BOD1L1: variants seen among roughly 807,000 people sequenced by gnomAD.
BOD1L1 encodes biorientation of chromosomes in cell division 1 like 1.
BOD1L1 carries 86 observed loss-of-function variants against 240.7 expected under a neutral mutation model. The ratio of observed to expected loss-of-function variants is 0.36; its 90% confidence interval spans 0.30 to 0.43. The LOEUF is 0.43. Among genes scored for constraint, BOD1L1 ranks in the 20% least tolerant of loss-of-function variants. BOD1L1 has a pLI of 1.00. For synonymous variants in BOD1L1, 1,268 were observed against 1,272.3 expected, an observed-to-expected ratio of 1.00 and a Z score of 0.07; for missense variants, 3,554 against 3,643.5, an observed-to-expected ratio of 0.98 and a Z score of 0.63.
intron 1 of BOD1L1, among the ~76,000 whole-genome samples, chr4:13,627,065 T>C (rs1195766897): frequency 6.6e-6 from 1 of 152,200 alleles, no homozygotes; most frequent in Admixed American, 6.5e-5. Context: ...CTGGCTACTG[T>C]TAGCGCCACT....
At position 13,611,116 on chromosome 4, in the gene BOD1L1, T is replaced by C. The variant is rs1560212714; in HGVS notation, c.1325-16A>G. On this transcript the variant is annotated splice_polypyrimidine_tract_variant and intron_variant, in intron 5 of 25. Coordinates refer to ENST00000040738, the MANE Select transcript of BOD1L1 (RefSeq NM_148894.3). The stretch of plus-strand genomic sequence containing the variant: ...TTCTCTTCATCTGTAAGAAAGTTAA[T>C]AGAAAGAGGAGTATGTCTGTGAATT... 3 of 1,559,588 alleles carry C rather than the reference T, an allele frequency of 1.9e-6. No individual in the cohort carries two copies. The Admixed American group carries it at 5.3e-5, about 28-fold the overall frequency.
chr4:13,614,472 A>C lies in BOD1L1; in HGVS notation c.898T>G (p.Leu300Val). Residue 300 changes from leucine to valine, a missense_variant, in exon 4 of 26, where the codon TTA (leucine) becomes GTA (valine). Physicochemically the swap from Leu to Val is conservative, Grantham distance 32. Transcript: ENST00000040738. Reference protein sequence around the residue: ...IKNYTKEHNNLILLNKDVQQE... With the variant: ...IKNYTKEHNNVILLNKDVQQE... Reference sequence around the variant, plus strand: ...TGAACATCCTTATTTAGCAGAATTAAATTATTATGCTCTTTTGTGTAATTT... The same window carrying C: ...TGAACATCCTTATTTAGCAGAATTACATTATTATGCTCTTTTGTGTAATTT... The C allele has an allele frequency of 6.2e-7, 1 of 1,613,390 alleles. No homozygotes were observed. The highest frequency in any genetic ancestry group is 8.5e-7 in the Non-Finnish European group (1 of 1,179,758).
In BOD1L1 at chr4:13,599,712, C is replaced by T. The variant is rs907267137; in HGVS notation, c.7188G>A (p.Pro2396=). ...CPGPVRGGKE[P]GPVLAVSTEE... ...CGGTGCTCACTGCCAACACGGGACC[C>T]GGTTCTTTGCCTCCCCTGACTGGCC... Residue 2396 remains proline, a synonymous_variant, in exon 10 of 26, where the codon CCG becomes CCA. Coordinates refer to ENST00000040738, the MANE Select transcript of BOD1L1 (RefSeq NM_148894.3). 34 of 1,613,722 alleles carry T rather than the reference C, an allele frequency of 2.1e-5. 1 individual carries two copies. The highest frequency in any genetic ancestry group is 3.3e-4 in the Middle Eastern group (2 of 6,062).
At chr4:13,597,010 G>A (rs1343616605) in intron 11 of BOD1L1, 94 bp downstream of exon 11, 1 of 982,196 alleles carries the variant, frequency 1.0e-6, no homozygotes, top group African/African-American at 1.6e-5. Context: ...AATGAGAACA[G>A]GACCTATATA....
rs766131519 is a variant in BOD1L1, at chr4:13,600,478, C to T, written c.6422G>A (p.Cys2141Tyr). The stretch of plus-strand genomic sequence containing the variant: ...CCCTATGCTTGTGGAAATCATGGCA[C>T]ACTCATCTTTCTCTTCACTTCTGCT... ...TASRSEEKDE[C>Y]AMISTSIGEE... Residue 2141 changes from cysteine to tyrosine, a missense_variant, in exon 10 of 26, where the codon TGT (cysteine) becomes TAT (tyrosine). Coordinates refer to ENST00000040738, the MANE Select transcript of BOD1L1 (RefSeq NM_148894.3). 1 of 1,613,938 alleles carries T rather than the reference C, an allele frequency of 6.2e-7. No homozygotes were observed. The highest frequency in any genetic ancestry group is 8.5e-7 in the Non-Finnish European group (1 of 1,179,896).
chr4:13,614,738 A>G lies in BOD1L1; in HGVS notation c.632T>C (p.Leu211Pro). Residue 211 changes from leucine (L) to proline (P), a missense_variant, in exon 4 of 26, where the codon CTT (leucine) becomes CCT (proline). Physicochemically the swap from Leu to Pro is moderately conservative, Grantham distance 98. Transcript: ENST00000040738. ...CCTAGCAGCACTGGCTTCTTGGTTAAGAGAAGTTATGGTTTCCAATATCGA... is the reference window on the plus strand; with the variant it reads ...CCTAGCAGCACTGGCTTCTTGGTTAGGAGAAGTTATGGTTTCCAATATCGA... ...AMSILETITS[L>P]NQEASAARAS... is the part of the protein sequence containing the mutation. 1 of 1,613,890 alleles carries G rather than the reference A, an allele frequency of 6.2e-7. No homozygotes were observed. Among genetic ancestry groups the G allele is most frequent in the South Asian group, 1.1e-5 (1 of 91,080 alleles).
intron 22 of BOD1L1, among the ~76,000 whole-genome samples, chr4:13,579,503 C>G (rs1713045874): frequency 6.6e-6 from 1 of 152,148 alleles, no homozygotes; most frequent in Non-Finnish European, 1.5e-5. Context: ...TCACATTAAT[C>G]TTTGTTGTTG....
At chr4:13,575,109 T>C (rs368523814) in intron 25 of BOD1L1, among the ~76,000 whole-genome samples, 2 of 151,958 alleles carry the variant, frequency 1.3e-5, no homozygotes, top group Non-Finnish European at 2.9e-5. Context: ...TTAGTAGAGA[T>C]GGGGTTTCAC....
chr4:13,611,076 T>C lies in BOD1L1; in HGVS notation c.1349A>G (p.Lys450Arg). The change falls in exon 6 of 26, where the codon AAA becomes AGA. Residue 450 changes from lysine (K) to arginine (R), a missense_variant. Lys to Arg is a conservative substitution (Grantham distance 26). Around this residue, in one of 2 missense-constraint regions of BOD1L1, gnomAD observed 3,393 missense variants for 3,427.1 expected, o/e 0.99. Transcript: ENST00000040738. ...AGAATCACTAGTTTGAGTTTTTGTT[T>C]TATTCTGTTTGTTCTTCTCTTCATC... is the stretch of plus-strand genomic sequence containing the variant. ...SDDEEKNKQN[K>R]TKTQTSDSSE... 1 of 1,608,026 alleles carries C rather than the reference T, an allele frequency of 6.2e-7. No individual in the cohort carries two copies. The highest frequency in any genetic ancestry group is 1.3e-5 in the African/African-American group (1 of 74,798).
intron 1 of BOD1L1, chr4:13,625,372 G>A (rs923677701): frequency 6.6e-6 from 1 of 152,120 alleles, no homozygotes; most frequent in Non-Finnish European, 1.5e-5. Flanking sequence ...CTTGAGAGAA[G>A]GTCCTAACTT....
chr4:13,581,258 C>G (rs1577316673), intron 19 of BOD1L1, 51 bp from the exon 20 acceptor site: 6 of 1,265,706 alleles, frequency 4.7e-6, no homozygotes, highest in African/African-American at 1.5e-5. Flanking sequence ...AAATTTTATC[C>G]TTTATTATAT....
Position 13,590,401 on chromosome 4 carries a change from A to G in BOD1L1, c.8194T>C (p.Ser2732Pro). 6.6e-7 allele frequency: 1 copy of G among 1,509,244 alleles called. No homozygotes were observed. The highest frequency in any genetic ancestry group is 9.1e-7 in the Non-Finnish European group (1 of 1,101,198). 93.5% of individuals were successfully genotyped at this position (1,509,244 alleles called of 1,614,324 possible). The stretch of plus-strand genomic sequence containing the variant: ...ATTAACTTACCTCCTTTGTTATAAG[A>G]TTCGCTATGAATTTCTTCATTTGTT... ...FRTNEEIHSE[S>P]YNKGEISSGR... The change falls in exon 14 of 26, where the codon TCT becomes CCT. Residue 2732 changes from serine (S) to proline (P), a missense_variant. Ser to Pro is a moderately conservative substitution (Grantham distance 74). This residue lies in a region of BOD1L1 where 3,393 missense variants were observed against 3,427.1 expected (regional missense o/e 0.99). Coordinates refer to ENST00000040738, the MANE Select transcript of BOD1L1 (RefSeq NM_148894.3).
Position 13,604,905 on chromosome 4 carries a change from C to T in BOD1L1, c.1995G>A (p.Glu665=), listed in dbSNP as rs368249547. 3.3e-5 allele frequency: 54 copies of T among 1,613,444 alleles called. No homozygotes were observed. In the African/African-American group the frequency reaches 4.4e-4, roughly 13 times the overall value. The change falls in exon 10 of 26, where the codon GAG becomes GAA. Residue 665 remains glutamate, a synonymous_variant. Coordinates refer to ENST00000040738, the MANE Select transcript of BOD1L1 (RefSeq NM_148894.3). Reference sequence around the variant, plus strand: ...TTGTGTCAGTCTCTTCCTGTACCCCCTCCATGATAACAGGGGTAGATGTCC... The same window carrying T: ...TTGTGTCAGTCTCTTCCTGTACCCCTTCCATGATAACAGGGGTAGATGTCC... ...KRRTSTPVIM[E]GVQEETDTRD...
chr4:13,589,312 C>T (rs2108911364), intron 14 of BOD1L1, among the ~76,000 whole-genome samples: 1 of 152,268 alleles, frequency 6.6e-6, no homozygotes, highest in African/African-American at 2.4e-5. Flanking sequence ...ATTACAAGTA[C>T]ACTACATAAG....
At position 13,581,487 on chromosome 4, in the gene BOD1L1, A is replaced by G. The variant is rs1434262581; in HGVS notation, c.8593-280T>C. 4.6e-5 allele frequency among the ~76,000 whole-genome samples: 7 copies of G among 152,356 alleles called. No homozygotes were observed. The East Asian group carries it at 1.3e-3, about 29-fold the overall frequency. ...CAAAGTGTAACCTTTTACTTCTGTA[A>G]TAAGTATGTATGTCCATTTAATTTG... On this transcript the variant is annotated intron_variant, in intron 19 of 25. Transcript: ENST00000040738.
rs1183582613 is a variant in BOD1L1 at position 13,587,771 on chromosome 4, C to T, written c.8281G>A (p.Val2761Ile). ...GHSVEADPKE[V>I]EEEERHMPKR... Reference sequence around the variant, plus strand: ...GGCATATGCCTTTCTTCCTCTTCAACCTGGAATTAAGAATGACTATATCAA... The same window carrying T: ...GGCATATGCCTTTCTTCCTCTTCAATCTGGAATTAAGAATGACTATATCAA... The change falls in exon 16 of 26, where the codon GTT becomes ATT. Residue 2761 changes from valine (V) to isoleucine (I), a missense_variant and splice_region_variant. This residue lies in a region of BOD1L1 where 3,393 missense variants were observed against 3,427.1 expected (regional missense o/e 0.99). Transcript: ENST00000040738. 8.4e-6 allele frequency: 13 copies of T among 1,549,974 alleles called. No homozygotes were observed. The highest frequency in any genetic ancestry group is 2.4e-5 in the South Asian group (2 of 84,252).
intron 1 of BOD1L1, among the ~76,000 whole-genome samples, chr4:13,621,553 T>C (rs1010464444): frequency 2.0e-5 from 3 of 152,242 alleles, no homozygotes; most frequent in African/African-American, 7.2e-5. Context: ...ATTCGAGCAA[T>C]TCTTGCACTA....
At chr4:13,591,356 C>T (rs1714200453) in intron 13 of BOD1L1, among the ~76,000 whole-genome samples, 1 of 152,136 alleles carries the variant, frequency 6.6e-6, no homozygotes, top group Non-Finnish European at 1.5e-5. Flanking sequence ...CTGATAGTAC[C>T]CCAATTCCTC....
At chr4:13,574,107 T>C (rs1435902350) in intron 25 of BOD1L1, among the ~76,000 whole-genome samples, 1 of 152,174 alleles carries the variant, frequency 6.6e-6, no homozygotes, top group African/African-American at 2.4e-5. Flanking sequence ...AGACAGAAGG[T>C]TCTGAAAGTC....
Sources: allele counts gnomAD v4.1 joint callset (sites outside exome capture counted in the v4.1 genomes callset), GRCh38; gene constraint gnomAD v4.1.1; regional missense constraint gnomAD v4.1.1; transcripts MANE v1.5; gene names NCBI Gene and HGNC (gene_info 2026-07-23, HGNC 2026-07-21).